The following SRCIN1 variants were observed in gnomAD, a reference collection of about 807,000 sequenced individuals.
SRCIN1 encodes P130Cas-associated protein.
Under a neutral mutation model 116.2 loss-of-function variants are expected in SRCIN1, and 50 were observed. That is an observed-to-expected ratio of 0.43 (90% CI 0.34 to 0.54). The LOEUF (loss-of-function observed/expected upper bound fraction) is 0.54, where lower values mean the gene tolerates loss of function less well. SRCIN1 is among the 20% of genes least tolerant of loss of function. The probability of loss-of-function intolerance (pLI) is 0.02; values close to 1 mark genes in which losing one functional copy is unlikely to be tolerated. For synonymous variants in SRCIN1, 736 were observed against 750.0 expected (o/e 0.98, Z 0.30); for missense variants, 1,446 against 1,672.0 (o/e 0.86, Z 2.36).
rs1042335462 is a variant in SRCIN1, at chr17:38,572,957, G to C, written c.325-4726C>G. On this transcript the variant is annotated intron_variant, in intron 2 of 18. Transcript: ENST00000617146. This position sits in a 1 kb window ranked among gnomAD's most constrained non-coding sequence, Gnocchi z 4.3. ...CCTCCCTCGGCGCGGCCCCGCCGGC[G>C]CAGCCCCGCAGAGGAGCGGCGGAGG... The C allele has an allele frequency of 1.3e-5, 2 of 151,902 alleles. No homozygotes were observed. Among genetic ancestry groups the C allele is most frequent in the Admixed American group, 1.3e-4 (2 of 15,256 alleles). The allele number at this position is 151,902 out of a possible 1,614,324, so 9.4% of individuals were successfully genotyped here. A position where few individuals can be genotyped will look rare whatever the true frequency, so the allele number is the denominator to read the frequency against.
Position 38,530,285 on chromosome 17 carries a change from C to A in SRCIN1, c.*3012G>T, listed in dbSNP as rs985895606. 6.6e-6 allele frequency: 1 copy of A among 152,088 alleles called. No homozygotes were observed. The highest frequency in any genetic ancestry group is 1.5e-5 in the Non-Finnish European group (1 of 68,022). 9.4% of individuals were successfully genotyped at this position (152,088 alleles called of 1,614,324 possible). ...GGGCAGGGTGTGGAGCCGGGGCTCA[C>A]CCCGGGGGGCCCCCTGGGGACCCCA... On this transcript the variant is annotated 3_prime_UTR_variant, in exon 19 of 19. Coordinates refer to ENST00000617146, the MANE Select transcript of SRCIN1 (RefSeq NM_025248.3).
rs1180874126 is a variant in SRCIN1 at position 38,561,829 on chromosome 17, G to T, written c.1334C>A (p.Ser445Tyr). ...CTTGTACAGGGAGTCCTCCAGATCGGACTGCAGCGCGGCGGCCGAGTAGGT... is the reference window on the plus strand; with the variant it reads ...CTTGTACAGGGAGTCCTCCAGATCGTACTGCAGCGCGGCGGCCGAGTAGGT... ...LSTYSAAALQSDLEDSLYKAA... is the reference protein window; with the variant it reads ...LSTYSAAALQYDLEDSLYKAA... Residue 445 changes from serine (S) to tyrosine (Y), a missense_variant, in exon 7 of 19, where the codon TCC (serine) becomes TAC (tyrosine). Ser to Tyr is a moderately radical substitution (Grantham distance 144). Transcript: ENST00000617146. 4.7e-6 allele frequency: 7 copies of T among 1,478,704 alleles called. No homozygotes were observed. Among genetic ancestry groups the T allele is most frequent in the Non-Finnish European group, 6.2e-6 (7 of 1,124,222 alleles). 91.6% of individuals were successfully genotyped at this position (1,478,704 alleles called of 1,614,324 possible).
chr17:38,551,178 T>C lies in SRCIN1; in HGVS notation c.2939A>G (p.Glu980Gly). Residue 980 changes from glutamate (E) to glycine (G), a missense_variant, in exon 15 of 19, where the codon GAG (glutamate) becomes GGG (glycine). This residue lies in a region of SRCIN1 where 531 missense variants were observed against 633.9 expected (regional missense o/e 0.84). Coordinates refer to ENST00000617146, the MANE Select transcript of SRCIN1 (RefSeq NM_025248.3). Reference protein sequence around the residue: ...PHGQKAAPRTEPSGRRGSDEL... With the variant: ...PHGQKAAPRTGPSGRRGSDEL... The stretch of plus-strand genomic sequence containing the variant: ...ACCTGAGCCCCTCCTCCCACTGGGC[T>C]CCGTTCGGGGGGCTGCCTTCTGGCC... 1.9e-6 allele frequency: 3 copies of C among 1,569,426 alleles called. No homozygotes were observed. The highest frequency in any genetic ancestry group is 2.6e-6 in the Non-Finnish European group (3 of 1,150,666).
At chr17:38,586,056 G>A (rs1908097205) in intron 1 of SRCIN1, among the ~76,000 whole-genome samples, 1 of 152,236 alleles carries the variant, frequency 6.6e-6, no homozygotes, top group South Asian at 2.1e-4. Context: ...TGGGAAGGGA[G>A]CCCACTGGAC....
intron 18 of SRCIN1, among the ~76,000 whole-genome samples, chr17:38,533,816 C>T (rs1055463354): frequency 6.8e-6 from 1 of 146,562 alleles, no homozygotes; most frequent in Non-Finnish European, 1.5e-5. Flanking sequence ...GACAGGGGCA[C>T]AAGCCCTGCG....
At chr17:38,547,602 G>A (rs957065810) in intron 17 of SRCIN1, among the ~76,000 whole-genome samples, 1 of 152,240 alleles carries the variant, frequency 6.6e-6, no homozygotes, top group East Asian at 1.9e-4. Flanking sequence ...GTGGGGGAGG[G>A]GTGAGTCCAC....
At position 38,578,422 on chromosome 17, in the gene SRCIN1, G is replaced by T. The variant is rs1907551294; in HGVS notation, c.324+68C>A. 3.4e-6 allele frequency: 5 copies of T among 1,486,028 alleles called. No homozygotes were observed. In the Admixed American group the frequency reaches 1.1e-4, roughly 34 times the overall value. 92.1% of individuals were successfully genotyped at this position (1,486,028 alleles called of 1,614,324 possible). ...AATGAGCCTGGGGACACGGAGCACG[G>T]GGTCAGACCTCCTCCCCTGCCCGCT... On this transcript the variant is annotated intron_variant, in intron 2 of 18. Transcript: ENST00000617146.
chr17:38,549,720 G>A (rs1397292661), intron 15 of SRCIN1, among the ~76,000 whole-genome samples: 1 of 152,170 alleles, frequency 6.6e-6, no homozygotes, highest in African/African-American at 2.4e-5. Context: ...AACCTGCAGA[G>A]AGGTCACTCT....
chr17:38,563,074 C>G lies in SRCIN1; in HGVS notation c.741-154G>C, dbSNP rs777709438. Reference sequence around the variant, plus strand: ...CACACACGCCCAGCAGCCTCCACCCCGGCCTCTTCCTGGCCTCCGGCGCCA... The same window carrying G: ...CACACACGCCCAGCAGCCTCCACCCGGGCCTCTTCCTGGCCTCCGGCGCCA... On this transcript the variant is annotated intron_variant, in intron 5 of 18. Coordinates refer to ENST00000617146, the MANE Select transcript of SRCIN1 (RefSeq NM_025248.3). This position sits in a 1 kb window ranked among gnomAD's most constrained non-coding sequence, Gnocchi z 5.8. Among the ~76,000 whole-genome samples, 6 of 152,212 alleles carry G rather than the reference C, an allele frequency of 3.9e-5. No individual in the cohort carries two copies. The highest frequency in any genetic ancestry group is 5.9e-5 in the Non-Finnish European group (4 of 68,036).
rs2040949865 is a variant in SRCIN1, at chr17:38,533,240, G to C, written c.*57C>G. 6.6e-6 allele frequency: 10 copies of C among 1,512,062 alleles called. No homozygotes were observed. The highest frequency in any genetic ancestry group is 8.9e-6 in the Non-Finnish European group (10 of 1,129,120). The allele number at this position is 1,512,062 out of a possible 1,614,324, so 93.7% of individuals were successfully genotyped here. Reference sequence around the variant, plus strand: ...GTGGGGTGGAGATGAAGGAAGAGAGGGGAGAAATGGCAGGAGTGAGGGAGG... The same window carrying C: ...GTGGGGTGGAGATGAAGGAAGAGAGCGGAGAAATGGCAGGAGTGAGGGAGG... On this transcript the variant is annotated 3_prime_UTR_variant, in exon 19 of 19. Transcript: ENST00000617146.
intron 7 of SRCIN1, among the ~76,000 whole-genome samples, chr17:38,561,077 A>G (rs2143176812): frequency 6.6e-6 from 1 of 152,310 alleles, no homozygotes; most frequent in East Asian, 1.9e-4. Context: ...AGTGGACTTC[A>G]GCTGTCCCGG....
At chr17:38,571,958 C>G (rs535491744) in intron 2 of SRCIN1, among the ~76,000 whole-genome samples, 154 of 152,308 alleles carry the variant, frequency 1.0e-3, no homozygotes, top group Non-Finnish European at 1.5e-3. Context: ...TTTTCCCCCC[C>G]TCGGCCCTCA....
chr17:38,573,174 A>G (rs1421812480), intron 2 of SRCIN1, among the ~76,000 whole-genome samples: 5 of 152,176 alleles, frequency 3.3e-5, no homozygotes, highest in African/African-American at 1.2e-4. Flanking sequence ...CTGGTGGAGG[A>G]TCAGGGAGGG....
At position 38,564,130 on chromosome 17, in the gene SRCIN1, G is replaced by A. The variant is rs1354780416; in HGVS notation, c.529C>T (p.Leu177=). 1.3e-6 allele frequency: 2 copies of A among 1,599,292 alleles called. No individual in the cohort carries two copies. Among genetic ancestry groups the A allele is most frequent in the African/African-American group, 1.3e-5 (1 of 74,668 alleles). The change falls in exon 4 of 19, where the codon CTG becomes TTG. Residue 177 remains leucine, a synonymous_variant. Transcript: ENST00000617146. Reference sequence around the variant, plus strand: ...GGGCGGGCAGTACCTGGGGAGCGCAGCTTGGTCTGGCTGGCCGAGCGGGAG... The same window carrying A: ...GGGCGGGCAGTACCTGGGGAGCGCAACTTGGTCTGGCTGGCCGAGCGGGAG... ...PLSRSASQTK[L]RSPGVLFLQF... is the part of the protein sequence containing the mutation.
Position 38,568,740 on chromosome 17 carries a change from G to T in SRCIN1, c.325-509C>A, listed in dbSNP as rs1016760497. ...TCCACATTGGCTGGGGCGCAGCTGGGAAAGTAGCAGATTAGGCTGCAAAGG... is the reference window on the plus strand; with the variant it reads ...TCCACATTGGCTGGGGCGCAGCTGGTAAAGTAGCAGATTAGGCTGCAAAGG... On this transcript the variant is annotated intron_variant, in intron 2 of 18. Coordinates refer to ENST00000617146, the MANE Select transcript of SRCIN1 (RefSeq NM_025248.3). This position sits in a 1 kb window ranked among gnomAD's most constrained non-coding sequence, Gnocchi z 4.5. Among the ~76,000 whole-genome samples, 1 of 152,152 alleles carries T rather than the reference G, an allele frequency of 6.6e-6. No homozygotes were observed. The highest frequency in any genetic ancestry group is 2.4e-5 in the African/African-American group (1 of 41,430).
rs530943446 is a variant in SRCIN1 at position 38,533,870 on chromosome 17, G to A, written c.3418-439C>T. Among the ~76,000 whole-genome samples the A allele has an allele frequency of 9.2e-5, 14 of 152,090 alleles. No homozygotes were observed. The South Asian group carries it at 2.7e-3, about 29-fold the overall frequency. ...GGGGAAAGGCTCCTAGTCCCAAATG[G>A]CCCGCTGTACAGCCAGAGCCCCTTC... On this transcript the variant is annotated intron_variant, in intron 18 of 18. Transcript: ENST00000617146.
intron 1 of SRCIN1, among the ~76,000 whole-genome samples, chr17:38,596,544 C>A (rs963928201): frequency 9.2e-5 from 14 of 152,120 alleles, no homozygotes; most frequent in African/African-American, 3.4e-4. Flanking sequence ...AGGTGCCCAA[C>A]CTAGACCCCA....
Position 38,552,208 on chromosome 17 carries a change from A to T in SRCIN1, c.2481-76T>A. ...TTCTGCAGGAAGGCTGCTCTGAGGG[A>T]GGTGGGGTGGGAGGCAGGCTCTGGG... On this transcript the variant is annotated intron_variant, in intron 13 of 18. Coordinates refer to ENST00000617146, the MANE Select transcript of SRCIN1 (RefSeq NM_025248.3). The surrounding 1 kb of genome is among the most constrained non-coding windows in gnomAD (Gnocchi z 5.3). 6.6e-7 allele frequency: 1 copy of T among 1,507,334 alleles called. No individual in the cohort carries two copies. Among genetic ancestry groups the T allele is most frequent in the Non-Finnish European group, 9.0e-7 (1 of 1,112,902 alleles). The allele number at this position is 1,507,334 out of a possible 1,614,324, so 93.4% of individuals were successfully genotyped here.
chr17:38,534,674 C>T lies in SRCIN1; in HGVS notation c.3418-1243G>A, dbSNP rs1029447500. ...GCAGAGGAGAAGCTAGAGTCTAAAG[C>T]AAGCCCTGTCTCCAGCAGCCTGCCC... On this transcript the variant is annotated intron_variant, in intron 18 of 18. Transcript: ENST00000617146. 2.6e-5 allele frequency among the ~76,000 whole-genome samples: 4 copies of T among 152,182 alleles called. No individual in the cohort carries two copies. In the East Asian group the frequency reaches 7.7e-4, roughly 29 times the overall value.
Sources: gnomAD v4.1 joint callset for allele counts (sites outside exome capture counted in the v4.1 genomes callset) on GRCh38, gnomAD v4.1.1 for gene constraint, gnomAD v4.1.1 regional missense constraint, Gnocchi (gnomAD v3.1) non-coding constraint, MANE v1.5 for transcripts, NCBI Gene and HGNC (gene_info 2026-07-23, HGNC 2026-07-21) for gene names.